The following CERKL variants were observed in gnomAD, a reference collection of about 807,000 sequenced individuals.
The protein encoded by CERKL is ceramide kinase-like protein.
Under a neutral mutation model 63.4 loss-of-function variants are expected in CERKL, and 61 were observed. The observed-to-expected ratio is 0.96, with a 90% confidence interval of 0.78 to 1.19. CERKL has a LOEUF of 1.19. Among genes scored for constraint, CERKL ranks in the 50% most tolerant of loss-of-function variants. CERKL has a pLI of 0.00. For missense variants in CERKL, 675 were observed against 655.5 expected, an observed-to-expected ratio of 1.03 and a Z score of -0.33; for synonymous variants, 250 against 230.5, an observed-to-expected ratio of 1.08 and a Z score of -0.77.
chr2:181,565,581 G>T lies in CERKL; in HGVS notation c.677+477C>A, dbSNP rs1004512335. 5 of 1,131,334 alleles carry T rather than the reference G, an allele frequency of 4.4e-6. No homozygotes were observed. The African/African-American group carries it at 4.6e-5, about 10-fold the overall frequency. The allele number at this position is 1,131,334 out of a possible 1,614,324, so 70.1% of individuals were successfully genotyped here. ...TTAAAATTATTTCTTATTGTTTCTG[G>T]AAATAATGTATTTATTTACTTGTAT... On this transcript the variant is annotated intron_variant, in intron 4 of 12. Coordinates refer to ENST00000410087, the MANE Select transcript of CERKL (RefSeq NM_201548.5).
rs571561091 is a variant in CERKL at position 181,588,842 on chromosome 2, T to C, written c.482-14958A>G. ...TTTGCATTTCCCTGATTGTTAGTGA[T>C]GCTGAGTATTTTTTCATGTTGTCCA... On this transcript the variant is annotated intron_variant, in intron 2 of 12. Transcript: ENST00000410087. Among the ~76,000 whole-genome samples, 124 of 152,348 alleles carry C rather than the reference T, an allele frequency of 8.1e-4. 1 individual carries two copies. The highest frequency in any genetic ancestry group is 2.8e-3 in the African/African-American group (115 of 41,592).
intron 2 of CERKL, among the ~76,000 whole-genome samples, chr2:181,589,078 G>C (rs1340019459): frequency 6.6e-6 from 1 of 151,982 alleles, no homozygotes; most frequent in Non-Finnish European, 1.5e-5. Flanking sequence ...AAGAGCTTTT[G>C]GGTTTGATGT....
intron 12 of CERKL, among the ~76,000 whole-genome samples, chr2:181,538,801 A>T (rs1334863888): frequency 6.6e-6 from 1 of 152,218 alleles, no homozygotes; most frequent in Non-Finnish European, 1.5e-5. Context: ...TAAAAATCCA[A>T]AATGGAAGTT....
At chr2:181,648,276 CA>C (rs1227414749) in intron 1 of CERKL, among the ~76,000 whole-genome samples, 1 of 151,988 alleles carries the variant, frequency 6.6e-6, no homozygotes, top group African/African-American at 2.4e-5. Context: ...CTAAAATCTG[CA>C]AGAGAAAAGC....
intron 2 of CERKL, among the ~76,000 whole-genome samples, chr2:181,581,355 C>A (rs1427868646): frequency 6.6e-6 from 1 of 152,152 alleles, no homozygotes; most frequent in East Asian, 1.9e-4. Flanking sequence ...AACACTTCTA[C>A]CTCCACTTCT....
chr2:181,550,704 G>C lies in CERKL; in HGVS notation c.821-996C>G, dbSNP rs1341530461. Among the ~76,000 whole-genome samples, 2 of 152,100 alleles carry C rather than the reference G, an allele frequency of 1.3e-5. No individual in the cohort carries two copies. The highest frequency in any genetic ancestry group is 1.5e-5 in the Non-Finnish European group (1 of 68,020). On this transcript the variant is annotated intron_variant, in intron 5 of 12. Transcript: ENST00000410087. This position sits in a 1 kb window ranked among gnomAD's most constrained non-coding sequence, Gnocchi z 4.5. ...TAATTGCTTCAATTTGTGTTACTTTGAACTGATATGTACTTGGGTTGCTAA... is the reference window on the plus strand; with the variant it reads ...TAATTGCTTCAATTTGTGTTACTTTCAACTGATATGTACTTGGGTTGCTAA...
At chr2:181,621,577 T>C (rs1466983233) in intron 1 of CERKL, among the ~76,000 whole-genome samples, 2 of 152,224 alleles carry the variant, frequency 1.3e-5, no homozygotes, top group Non-Finnish European at 2.9e-5. Flanking sequence ...TATAATAGTT[T>C]TAAAATTATA....
chr2:181,588,273 C>A (rs951259698), intron 2 of CERKL, among the ~76,000 whole-genome samples: 5 of 152,134 alleles, frequency 3.3e-5, no homozygotes, highest in Admixed American at 2.6e-4. Context: ...CTATCGCATA[C>A]CCCTGGTCAC....
At chr2:181,632,873 CCTACTCCAGT>C (rs1161568900) in intron 1 of CERKL, among the ~76,000 whole-genome samples, 2 of 152,092 alleles carry the variant, frequency 1.3e-5, no homozygotes, top group Admixed American at 6.6e-5. Context: ...CTTACTTGGT[CCTACTCCAGT>C]CCTACTCATA....
intron 2 of CERKL, among the ~76,000 whole-genome samples, chr2:181,588,412 T>C (rs1684853912): frequency 6.6e-6 from 1 of 152,194 alleles, no homozygotes; most frequent in African/African-American, 2.4e-5. Context: ...AACCACGTTG[T>C]GGCAAATGAC....
intron 1 of CERKL, among the ~76,000 whole-genome samples, chr2:181,639,486 T>C (rs186311396): frequency 1.5e-4 from 23 of 152,362 alleles, no homozygotes; most frequent in African/African-American, 5.3e-4. Context: ...CCCATTTTCT[T>C]CATTTGTTCA....
Position 181,604,031 on chromosome 2 carries a change from T to C in CERKL, c.287A>G (p.Lys96Arg), listed in dbSNP as rs752344796. The C allele has an allele frequency of 2.5e-6, 4 of 1,607,948 alleles. No homozygotes were observed. Among genetic ancestry groups the C allele is most frequent in the Admixed American group, 3.3e-5 (2 of 59,966 alleles). The change falls in exon 2 of 13, where the codon AAA becomes AGA. Residue 96 changes from lysine to arginine, a missense_variant. By Grantham distance (26) the Lys-to-Arg change is conservative. Transcript: ENST00000410087. ...LLCKEEFIEL[K>R]DIFSVKLKRR... is the part of the protein sequence containing the mutation. The stretch of plus-strand genomic sequence containing the variant: ...TTTCAGTTTCACAGAGAATATGTCT[T>C]TGAGTTCAATAAATTCTTCTTTACA...
chr2:181,653,381 C>T (rs1688018481), intron 1 of CERKL, among the ~76,000 whole-genome samples: 2 of 152,180 alleles, frequency 1.3e-5, no homozygotes, highest in South Asian at 2.1e-4. Flanking sequence ...ATAGAAGTAT[C>T]ATATGATCCA....
In CERKL at chr2:181,537,698, G is replaced by A; in HGVS notation, c.*486C>T. On this transcript the variant is annotated 3_prime_UTR_variant, in exon 13 of 13. Transcript: ENST00000410087. Reference sequence around the variant, plus strand: ...TCTAGGTTAAATATTGATGTATTATGATGGTTGCAAAGTTTTTTTGTGTGT... The same window carrying A: ...TCTAGGTTAAATATTGATGTATTATAATGGTTGCAAAGTTTTTTTGTGTGT... 4.7e-6 allele frequency: 2 copies of A among 427,732 alleles called. No individual in the cohort carries two copies. The highest frequency in any genetic ancestry group is 9.3e-6 in the Non-Finnish European group (2 of 215,956). The allele number at this position is 427,732 out of a possible 1,614,324, so 26.5% of individuals were successfully genotyped here.
intron 1 of CERKL, among the ~76,000 whole-genome samples, chr2:181,621,777 T>C (rs1574507348): frequency 6.6e-6 from 1 of 152,192 alleles, no homozygotes; most frequent in South Asian, 2.1e-4. Flanking sequence ...CAATGTAAAA[T>C]AGCTTACAGG....
chr2:181,595,345 T>G (rs542543265), intron 2 of CERKL, among the ~76,000 whole-genome samples: 1 of 152,302 alleles, frequency 6.6e-6, no homozygotes, highest in African/African-American at 2.4e-5. Flanking sequence ...ATTGAGAAAT[T>G]ATGAATGCTG....
rs1321844818 is a variant in CERKL at position 181,558,499 on chromosome 2, G to C, written c.820+67C>G. On this transcript the variant is annotated intron_variant, in intron 5 of 12. Coordinates refer to ENST00000410087, the MANE Select transcript of CERKL (RefSeq NM_201548.5). The surrounding 1 kb of genome is among the most constrained non-coding windows in gnomAD (Gnocchi z 4.2). ...CATTAATTCTGTGTTGTGCTGTCTA[G>C]ATTAGCAAGTAAGAAAGGAAAAGAG... The C allele has an allele frequency of 1.3e-6, 2 of 1,529,816 alleles. No individual in the cohort carries two copies. Among genetic ancestry groups the C allele is most frequent in the African/African-American group, 2.7e-5 (2 of 73,200 alleles). The allele number at this position is 1,529,816 out of a possible 1,614,324, so 94.8% of individuals were successfully genotyped here.
chr2:181,646,006 A>T (rs559386070), intron 1 of CERKL, among the ~76,000 whole-genome samples: 9 of 152,322 alleles, frequency 5.9e-5, no homozygotes, highest in African/African-American at 2.2e-4. Flanking sequence ...TGGGAATTTT[A>T]TACAGGTGAC....
chr2:181,610,686 A>C (rs1685927899), intron 1 of CERKL, among the ~76,000 whole-genome samples: 1 of 152,216 alleles, frequency 6.6e-6, no homozygotes, highest in Admixed American at 6.5e-5. Context: ...GATAAAAAGA[A>C]ATCCCAGTGG....
Sources: gnomAD v4.1 joint callset for allele counts (sites outside exome capture counted in the v4.1 genomes callset) on GRCh38, gnomAD v4.1.1 for gene constraint, Gnocchi (gnomAD v3.1) non-coding constraint, MANE v1.5 for transcripts, NCBI Gene and HGNC (gene_info 2026-07-23, HGNC 2026-07-21) for gene names.